CCDC192: variants seen among roughly 807,000 people sequenced by gnomAD.
CCDC192 encodes the protein coiled-coil domain containing 192, also known as coiled-coil domain-containing protein 192.
At chr5:127,841,071 A>C (rs1242785908) in intron 5 of CCDC192, among the ~76,000 whole-genome samples, 4 of 152,206 alleles carry the variant, frequency 2.6e-5, no homozygotes, top group Non-Finnish European at 5.9e-5. Context: ...CAAAAATTGA[A>C]ATACTTTACA....
At chr5:127,755,208 G>T (rs1754506621) in intron 3 of CCDC192, among the ~76,000 whole-genome samples, 1 of 152,034 alleles carries the variant, frequency 6.6e-6, no homozygotes, top group Admixed American at 6.6e-5. Flanking sequence ...GATACATTTA[G>T]ATAAAAGTAT....
At chr5:127,858,474 T>C (rs1033029116) in intron 5 of CCDC192, among the ~76,000 whole-genome samples, 3 of 152,230 alleles carry the variant, frequency 2.0e-5, no homozygotes, top group Admixed American at 2.0e-4. Context: ...TTTCTTATCA[T>C]AAGCTCTCAG....
At chr5:127,884,440 C>CT (rs1023582413) in intron 6 of CCDC192, among the ~76,000 whole-genome samples, 8 of 144,128 alleles carry the variant, frequency 5.6e-5, no homozygotes, top group East Asian at 2.1e-4. Context: ...ACCATATATT[C>CT]TTTTTTTTCC....
At chr5:127,829,001 A>G (rs1749666183) in intron 5 of CCDC192, among the ~76,000 whole-genome samples, 1 of 152,284 alleles carries the variant, frequency 6.6e-6, no homozygotes, top group South Asian at 2.1e-4. Context: ...GGTTGGGGGC[A>G]GATATTGGCT....
intron 2 of CCDC192, among the ~76,000 whole-genome samples, chr5:127,712,390 C>T (rs1376772749): frequency 6.6e-6 from 1 of 152,128 alleles, no homozygotes; most frequent in Admixed American, 6.5e-5. Flanking sequence ...GGTGAGTTCT[C>T]AATAAGCTGA....
intron 2 of CCDC192, among the ~76,000 whole-genome samples, chr5:127,736,989 T>C (rs1753048642): frequency 6.6e-6 from 1 of 150,984 alleles, no homozygotes; most frequent in Non-Finnish European, 1.5e-5. Context: ...ATGTGTTTGC[T>C]CTTGCTTTTC....
At chr5:127,847,557 T>A (rs1295773682) in intron 5 of CCDC192, among the ~76,000 whole-genome samples, 2 of 152,176 alleles carry the variant, frequency 1.3e-5, no homozygotes, top group Non-Finnish European at 2.9e-5. Flanking sequence ...AATAGCTATA[T>A]GTCATTTTGT....
rs138159381 is a variant in CCDC192 at position 127,884,030 on chromosome 5, C to T, written c.535+8369C>T. 4.7e-3 allele frequency among the ~76,000 whole-genome samples: 717 copies of T among 152,162 alleles called. 4 individuals carry two copies. Among genetic ancestry groups the T allele is most frequent in the African/African-American group, 0.017 (688 of 41,512 alleles). On this transcript the variant is annotated intron_variant, in intron 6 of 6. Coordinates refer to ENST00000514853, the MANE Select transcript of CCDC192 (RefSeq NM_001317938.2). ...TCCAGGCTTAACAGTCTATAGTGAA[C>T]ATTTGTTGTTTCTACTCAGAACCAC...
chr5:127,732,931 C>A (rs1020165970), intron 2 of CCDC192, among the ~76,000 whole-genome samples: 9 of 152,076 alleles, frequency 5.9e-5, no homozygotes, highest in African/African-American at 2.2e-4. Flanking sequence ...ATAGATGCAG[C>A]AAATCACCAT....
intron 2 of CCDC192, among the ~76,000 whole-genome samples, chr5:127,732,202 C>G (rs1186789355): frequency 2.6e-5 from 4 of 151,926 alleles, no homozygotes; most frequent in African/African-American, 9.7e-5. Context: ...AGACACTTCT[C>G]AAAAGAAGAC....
chr5:127,892,609 A>G (rs923229233), intron 6 of CCDC192, among the ~76,000 whole-genome samples: 1 of 152,166 alleles, frequency 6.6e-6, no homozygotes, highest in Non-Finnish European at 1.5e-5. Context: ...TGTGAGCTCT[A>G]GTAGTTCACT....
chr5:127,788,573 A>T (rs1756693652), intron 3 of CCDC192, among the ~76,000 whole-genome samples: 2 of 152,034 alleles, frequency 1.3e-5, no homozygotes, highest in Non-Finnish European at 2.9e-5. Flanking sequence ...TTTTCTATAT[A>T]TTTTATGTCC....
intron 2 of CCDC192, among the ~76,000 whole-genome samples, chr5:127,730,500 G>C (rs1039724918): frequency 6.6e-6 from 1 of 152,096 alleles, no homozygotes; most frequent in Non-Finnish European, 1.5e-5. Flanking sequence ...GAAAAGGAGA[G>C]ACTCCTCCCT....
intron 3 of CCDC192, chr5:127,785,314 C>T: frequency 2.2e-6 from 1 of 459,634 alleles, no homozygotes; most frequent in Non-Finnish European, 4.3e-6. Flanking sequence ...GGCCAGGACC[C>T]AGAGCTCAGC....
intron 3 of CCDC192, among the ~76,000 whole-genome samples, chr5:127,780,388 G>T (rs1346258488): frequency 6.6e-6 from 1 of 152,142 alleles, no homozygotes; most frequent in Non-Finnish European, 1.5e-5. Context: ...GTTATTTAAA[G>T]AATCTTCACA....
intron 5 of CCDC192, among the ~76,000 whole-genome samples, chr5:127,811,340 AT>A (rs1758071718): frequency 6.6e-6 from 1 of 152,298 alleles, no homozygotes. Context: ...ACAAAAGTTA[AT>A]TTCCTCTCCT....
intron 5 of CCDC192, among the ~76,000 whole-genome samples, chr5:127,839,420 A>C (rs1580733253): frequency 6.6e-6 from 1 of 152,322 alleles, no homozygotes; most frequent in East Asian, 1.9e-4. Context: ...TACATAAGAA[A>C]ACAAAAGCCA....
chr5:127,788,567 C>G (rs895082725), intron 3 of CCDC192, among the ~76,000 whole-genome samples: 19 of 152,092 alleles, frequency 1.2e-4, no homozygotes, highest in Non-Finnish European at 2.1e-4. Context: ...TTTTCATTTT[C>G]TATATATTTT....
intron 6 of CCDC192, among the ~76,000 whole-genome samples, chr5:127,880,290 A>G (rs997568537): frequency 2.6e-5 from 4 of 152,098 alleles, no homozygotes; most frequent in African/African-American, 7.2e-5. Flanking sequence ...TGATGAGTTC[A>G]TGTCCTTTGT....
Sources: gnomAD v4.1 joint callset for allele counts (sites outside exome capture counted in the v4.1 genomes callset) on GRCh38, gnomAD v4.1.1 for gene constraint, MANE v1.5 for transcripts, NCBI Gene and HGNC (gene_info 2026-07-23, HGNC 2026-07-21) for gene names.